RIF1: variants seen among roughly 807,000 people sequenced by gnomAD.
RIF1 encodes the protein telomere-associated protein RIF1.
In RIF1, 45 loss-of-function variants were observed where a neutral mutation model predicts 247.1. That is an observed-to-expected ratio of 0.18 (90% CI 0.14 to 0.23). The LOEUF is 0.23. Among genes scored for constraint, RIF1 ranks in the 10% least tolerant of loss-of-function variants. RIF1 has a pLI of 1.00. For missense variants in RIF1, 2,967 were observed against 2,862.5 expected (o/e 1.04, Z -0.83); for synonymous variants, 1,087 against 978.8 (o/e 1.11, Z -2.06).
chr2:151,426,845 C>T (rs1417334153), intron 8 of RIF1, among the ~76,000 whole-genome samples: 3 of 151,480 alleles, frequency 2.0e-5, no homozygotes, highest in Admixed American at 6.6e-5. Context: ...TGGGGTTTTA[C>T]CATGTTGGCC....
At chr2:151,485,491 AT>A (rs1462862640), downstream of RIF1, 3 of 304,196 alleles carry the variant, frequency 9.9e-6, no homozygotes, top group Non-Finnish European at 6.0e-6. Flanking sequence ...CATATTCAAA[AT>A]CCCTGTTTTA....
At chr2:151,474,286 A>T (rs887026640) in intron 35 of RIF1, among the ~76,000 whole-genome samples, 1 of 152,220 alleles carries the variant, frequency 6.6e-6, no homozygotes, top group African/African-American at 2.4e-5. Context: ...GATTTAAACT[A>T]TACACTTTCT....
the RIF1 span, among the ~76,000 whole-genome samples, chr2:151,523,888 GA>G: frequency 2.7e-5 from 4 of 150,044 alleles, no homozygotes; most frequent in Non-Finnish European, 4.4e-5. Flanking sequence ...TATGTTTAAT[GA>G]AAAAAAAATG....
downstream of RIF1, chr2:151,512,710 G>C (rs1223120240): frequency 2.6e-6 from 4 of 1,515,642 alleles, no homozygotes; most frequent in Non-Finnish European, 3.7e-6. Context: ...GTTTATGAGT[G>C]ATGGCATGAC....
chr2:151,458,868 T>A lies in RIF1; in HGVS notation c.2913T>A (p.Thr971=). ...TGCTCCTGTTGCCTGGTTTGGAAAC[T>A]GTTGAAATGATGGAGGAATCCAGTG... ...KFLLLLPGLE[T]VEMMEESSGP... Residue 971 remains threonine, a synonymous_variant, in exon 25 of 36, where the codon ACT becomes ACA. Transcript: ENST00000444746. The A allele has an allele frequency of 6.2e-7, 1 of 1,613,202 alleles. No homozygotes were observed. The highest frequency in any genetic ancestry group is 1.1e-5 in the South Asian group (1 of 90,996).
chr2:151,419,922 G>A (rs1169167382), intron 6 of RIF1, among the ~76,000 whole-genome samples: 2 of 152,032 alleles, frequency 1.3e-5, no homozygotes, highest in Non-Finnish European at 2.9e-5. Context: ...ATTATTGTGA[G>A]GTCCTGGAAC....
rs2049117268 is a variant in RIF1, at chr2:151,480,386, G to A, written c.*5315G>A. On this transcript the variant is annotated 3_prime_UTR_variant, in exon 36 of 36. Coordinates refer to ENST00000444746, the MANE Select transcript of RIF1 (RefSeq NM_018151.5). Reference sequence around the variant, plus strand: ...GCACTGAGAAGTGATGAGTTGAAGAGAATGGAAAAGGCAGATTGAGCTGGA... The same window carrying A: ...GCACTGAGAAGTGATGAGTTGAAGAAAATGGAAAAGGCAGATTGAGCTGGA... The A allele has an allele frequency of 6.6e-6, 1 of 152,148 alleles. No homozygotes were observed. The highest frequency in any genetic ancestry group is 1.5e-5 in the Non-Finnish European group (1 of 68,026). The allele number at this position is 152,148 out of a possible 1,614,324, so 9.4% of individuals were successfully genotyped here.
intron 10 of RIF1, chr2:151,498,375 G>A (rs1464821704): frequency 2.7e-6 from 4 of 1,497,046 alleles, no homozygotes; most frequent in Admixed American, 2.1e-5. Context: ...AAAGCATCCA[G>A]AACAAAAAAA....
intron 21 of RIF1, 147 bp downstream of exon 21, chr2:151,451,852 C>T: frequency 1.8e-6 from 1 of 547,714 alleles, no homozygotes; most frequent in South Asian, 2.2e-5. Context: ...TAGGAGCTTT[C>T]ATACATGTTC....
chr2:151,458,795 A>G lies in RIF1; in HGVS notation c.2856-16A>G, dbSNP rs377337284. The G allele has an allele frequency of 2.0e-6, 3 of 1,496,400 alleles. No homozygotes were observed. The African/African-American group carries it at 4.2e-5, about 21-fold the overall frequency. The allele number at this position is 1,496,400 out of a possible 1,614,324, so 92.7% of individuals were successfully genotyped here. On this transcript the variant is annotated splice_polypyrimidine_tract_variant and intron_variant, in intron 24 of 35. Transcript: ENST00000444746. ...CTACTTGACTTAAGGTATATATTTT[A>G]TGTACTTTTTTAAAGACCAGTACTA...
chr2:151,454,798 T>C, intron 21 of RIF1, 97 bp from the exon 22 acceptor site: 1 of 838,258 alleles, frequency 1.2e-6, no homozygotes, highest in South Asian at 1.9e-5. Flanking sequence ...ATTTGATGTA[T>C]CTAACATTTA....
In RIF1 at chr2:151,414,775, G is replaced by T. The variant is rs780470900; in HGVS notation, c.184-48G>T. ...AATCAACTTCTGCTTTCTAAAAATT[G>T]ATTTACAGTTGTGCTTGTTTGTAAT... On this transcript the variant is annotated intron_variant, in intron 3 of 35. Transcript: ENST00000444746. The T allele has an allele frequency of 3.8e-6, 5 of 1,331,306 alleles. No individual in the cohort carries two copies. In the South Asian group the frequency reaches 5.1e-5, roughly 14 times the overall value. The allele number at this position is 1,331,306 out of a possible 1,614,324, so 82.5% of individuals were successfully genotyped here.
chr2:151,420,746 A>AAG (rs1244498250), intron 7 of RIF1, among the ~76,000 whole-genome samples: 1 of 151,874 alleles, frequency 6.6e-6, no homozygotes. Context: ...AAAAAAAAAA[A>AAG]AAAAAAAAAT....
At chr2:151,506,832 A>G in intron 13 of RIF1, 3 of 948,636 alleles carry the variant, frequency 3.2e-6, no homozygotes, top group South Asian at 2.7e-5. Context: ...GTGTATCAAT[A>G]TAAGGCTAGT....
At chr2:151,469,022 T>C (rs1277997496) in intron 33 of RIF1, among the ~76,000 whole-genome samples, 2 of 152,204 alleles carry the variant, frequency 1.3e-5, no homozygotes, top group African/African-American at 2.4e-5. Flanking sequence ...ATAAACCTTA[T>C]GAGGAATATG....
chr2:151,457,710 G>C (rs917750641), intron 23 of RIF1, 51 bp from the exon 24 acceptor site: 1 of 1,334,686 alleles, frequency 7.5e-7, no homozygotes, highest in African/African-American at 1.5e-5. Flanking sequence ...CATATATTCT[G>C]TGAGTTAATA....
chr2:151,424,843 T>C (rs1688744072), intron 8 of RIF1, among the ~76,000 whole-genome samples: 2 of 142,278 alleles, frequency 1.4e-5, no homozygotes, highest in Non-Finnish European at 1.5e-5. Context: ...TTTTTTTTTT[T>C]TTTTTTTTTT....
chr2:151,525,318 A>C, the RIF1 span: 8 of 1,395,766 alleles, frequency 5.7e-6, 1 homozygote, highest in South Asian at 9.3e-5. Context: ...GAAGCTGGGA[A>C]CAGAGTTGGT....
At chr2:151,447,530 T>C (rs536334331) in intron 20 of RIF1, among the ~76,000 whole-genome samples, 1 of 152,320 alleles carries the variant, frequency 6.6e-6, no homozygotes, top group African/African-American at 2.4e-5. Flanking sequence ...TACCATTACT[T>C]GGAATTCTAT....
Sources: gnomAD v4.1 joint callset for allele counts (sites outside exome capture counted in the v4.1 genomes callset) on GRCh38, gnomAD v4.1.1 for gene constraint, MANE v1.5 for transcripts, NCBI Gene and HGNC (gene_info 2026-07-23, HGNC 2026-07-21) for gene names.